The following KLRG1 variants were observed in gnomAD, a reference collection of about 807,000 sequenced individuals.
The protein encoded by KLRG1 is killer cell lectin like receptor G1.
Under a neutral mutation model 21.8 loss-of-function variants are expected in KLRG1, and 16 were observed. The observed-to-expected ratio is 0.73, with a 90% confidence interval of 0.50 to 1.11. The LOEUF is 1.11. KLRG1 is among the 50% of genes most tolerant of loss of function. The pLI is 0.00. For synonymous variants in KLRG1, 69 were observed against 75.9 expected, an observed-to-expected ratio of 0.91 and a Z score of 0.47; for missense variants, 173 against 218.3, an observed-to-expected ratio of 0.79 and a Z score of 1.31.
the KLRG1 span, chr12:9,072,334 A>C: frequency 6.2e-7 from 1 of 1,611,630 alleles, no homozygotes; most frequent in African/African-American, 1.3e-5. Flanking sequence ...TCTTAGGATT[A>C]GGTGATAGAG....
At chr12:9,183,430 T>C in the KLRG1 span, among the ~76,000 whole-genome samples, 3 of 152,178 alleles carry the variant, frequency 2.0e-5, no homozygotes, top group Non-Finnish European at 4.4e-5. Flanking sequence ...GACAGGGTCT[T>C]GCTCTGTTGC....
At chr12:9,089,170 G>A in the KLRG1 span, 1 of 1,515,348 alleles carries the variant, frequency 6.6e-7, no homozygotes, top group Non-Finnish European at 9.0e-7. Flanking sequence ...AGACTTTAAT[G>A]TTTTTTAAAT....
chr12:9,022,642 A>G, the KLRG1 span, among the ~76,000 whole-genome samples: 1 of 151,938 alleles, frequency 6.6e-6, no homozygotes, highest in African/African-American at 2.4e-5. Context: ...TTTTAGCCCC[A>G]CCCCTCAACT....
the KLRG1 span, chr12:9,089,893 TTTAC>T: frequency 6.2e-7 from 1 of 1,604,212 alleles, no homozygotes; most frequent in Non-Finnish European, 8.5e-7. Context: ...ATTATTTAGG[TTTAC>T]TTACTTCAAC....
chr12:9,008,114 T>A (rs1359849932), intron 3 of KLRG1, among the ~76,000 whole-genome samples: 1 of 152,166 alleles, frequency 6.6e-6, no homozygotes, highest in African/African-American at 2.4e-5. Context: ...AAGAACTGTT[T>A]TTTTCTTGCC....
the KLRG1 span, chr12:9,104,474 T>G: frequency 6.9e-7 from 1 of 1,458,618 alleles, no homozygotes; most frequent in Non-Finnish European, 9.3e-7. Context: ...TTTATCACAT[T>G]TTTTAGTGCC....
the KLRG1 span, chr12:9,029,000 C>T: frequency 3.3e-6 from 2 of 608,960 alleles, no homozygotes; most frequent in East Asian, 7.5e-5. Flanking sequence ...AATGGCTCTT[C>T]AGGCTCTCAT....
At chr12:8,986,569 C>T (rs1946844383), upstream of KLRG1, among the ~76,000 whole-genome samples, 1 of 151,890 alleles carries the variant, frequency 6.6e-6, no homozygotes, top group Admixed American at 6.6e-5. Flanking sequence ...TCCTGATATG[C>T]TCCCATCTTT....
chr12:9,136,234 G>A, the KLRG1 span, among the ~76,000 whole-genome samples: 2 of 152,180 alleles, frequency 1.3e-5, no homozygotes, highest in African/African-American at 2.4e-5. Context: ...CCAGCTCTAC[G>A]TACATTTGCT....
the KLRG1 span, among the ~76,000 whole-genome samples, chr12:9,108,048 C>A: frequency 1.3e-5 from 2 of 152,146 alleles, no homozygotes; most frequent in Non-Finnish European, 2.9e-5. Context: ...AGTGTCTCTT[C>A]TTCCATCATC....
At chr12:9,041,752 C>T in the KLRG1 span, among the ~76,000 whole-genome samples, 3 of 152,286 alleles carry the variant, frequency 2.0e-5, no homozygotes, top group East Asian at 5.8e-4. Flanking sequence ...TCAGGTAATT[C>T]CAGCTCTAGC....
At chr12:9,060,545 T>C in the KLRG1 span, among the ~76,000 whole-genome samples, 1 of 152,206 alleles carries the variant, frequency 6.6e-6, no homozygotes, top group South Asian at 2.1e-4. Flanking sequence ...GGCAGAAGAA[T>C]TGCTTGAACC....
chr12:9,198,007 G>C, the KLRG1 span, among the ~76,000 whole-genome samples: 1 of 132,774 alleles, frequency 7.5e-6, no homozygotes, highest in East Asian at 2.0e-4. Context: ...ATCCCAAAGA[G>C]AATGTGGTGG....
chr12:9,000,434 AT>A (rs1318449755), intron 3 of KLRG1, among the ~76,000 whole-genome samples: 1 of 152,214 alleles, frequency 6.6e-6, no homozygotes, highest in Non-Finnish European at 1.5e-5. Context: ...AAAATGTACT[AT>A]TTTAACCATT....
the KLRG1 span, among the ~76,000 whole-genome samples, chr12:9,056,563 G>GT: frequency 0.055 from 8,229 of 150,164 alleles, 249 homozygotes; most frequent in African/African-American, 0.094. Flanking sequence ...TTTACTTGGG[G>GT]GGTGTGTGTG....
chr12:9,208,515 A>C, the KLRG1 span: 1 of 565,034 alleles, frequency 1.8e-6, no homozygotes, highest in Non-Finnish European at 3.2e-6. Context: ...CATTACTCTC[A>C]GTGGTTGCCT....
chr12:9,137,873 T>A, the KLRG1 span, among the ~76,000 whole-genome samples: 1 of 152,132 alleles, frequency 6.6e-6, no homozygotes, highest in Non-Finnish European at 1.5e-5. Flanking sequence ...TTTTGTAGCT[T>A]GCAATCTTAC....
At chr12:9,166,146 T>C in the KLRG1 span, 1 of 1,614,008 alleles carries the variant, frequency 6.2e-7, no homozygotes, top group East Asian at 2.2e-5. Flanking sequence ...TTTAAGGGTA[T>C]CACATTATAT....
chr12:9,161,062 T>C, the KLRG1 span: 1 of 1,603,238 alleles, frequency 6.2e-7, no homozygotes, highest in South Asian at 1.1e-5. Flanking sequence ...TCTGGCAGAT[T>C]CTTTGACCAC....
Sources: allele counts gnomAD v4.1 joint callset (sites outside exome capture counted in the v4.1 genomes callset), GRCh38; gene constraint gnomAD v4.1.1; transcripts MANE v1.5; gene names NCBI Gene and HGNC (gene_info 2026-07-23, HGNC 2026-07-21).